Variants in LIN7C observed in about 807,000 individuals in gnomAD.
The protein encoded by LIN7C is protein lin-7 homolog C.
Under a neutral mutation model 24.7 loss-of-function variants are expected in LIN7C, and 17 were observed. The observed-to-expected ratio is 0.69, with a 90% CI of 0.47 to 1.03. The LOEUF is 1.03. Among genes scored for constraint, LIN7C ranks in the 50% least tolerant of loss-of-function variants. The pLI, the probability that LIN7C is intolerant of heterozygous loss-of-function variation, is 0.00. For missense variants in LIN7C, 204 were observed against 239.0 expected (o/e 0.85, Z 0.97); for synonymous variants, 90 against 83.4 (o/e 1.08, Z -0.43).
rs993200889 is a variant in LIN7C, at chr11:27,496,753, G to A, written c.*1896C>T. ...CTGAAACAGCTGAGACACAGAACCA[G>A]GAAGCTATAATTTATAATGAAATGT... On this transcript the variant is annotated 3_prime_UTR_variant, in exon 5 of 5. Coordinates refer to ENST00000278193, the MANE Select transcript of LIN7C (RefSeq NM_018362.4). 4.6e-5 allele frequency: 7 copies of A among 152,202 alleles called. No individual in the cohort carries two copies. The highest frequency in any genetic ancestry group is 1.7e-4 in the African/African-American group (7 of 41,528). 9.4% of individuals were successfully genotyped at this position (152,202 alleles called of 1,614,324 possible). A position where few individuals can be genotyped will look rare whatever the true frequency, so the allele number is the denominator to read the frequency against.
chr11:27,497,610 G>A lies in LIN7C; in HGVS notation c.*1039C>T, dbSNP rs574715204. On this transcript the variant is annotated 3_prime_UTR_variant, in exon 5 of 5. Coordinates refer to ENST00000278193, the MANE Select transcript of LIN7C (RefSeq NM_018362.4). ...GAATACTTCACATCATAATTTCTATGTATCTTAAATATATCCTCTTTTCTT... is the reference window on the plus strand; with the variant it reads ...GAATACTTCACATCATAATTTCTATATATCTTAAATATATCCTCTTTTCTT... The A allele has an allele frequency of 6.6e-6, 1 of 152,380 alleles. No individual in the cohort carries two copies. The highest frequency in any genetic ancestry group is 2.4e-5 in the African/African-American group (1 of 41,428). 9.4% of individuals were successfully genotyped at this position (152,380 alleles called of 1,614,324 possible). A position where few individuals can be genotyped will look rare whatever the true frequency, so the allele number is the denominator to read the frequency against.
At position 27,497,194 on chromosome 11, in the gene LIN7C, C is replaced by T. The variant is rs944136493; in HGVS notation, c.*1455G>A. 2 of 152,544 alleles carry T rather than the reference C, an allele frequency of 1.3e-5. No homozygotes were observed. Among genetic ancestry groups the T allele is most frequent in the Non-Finnish European group, 2.9e-5 (2 of 67,978 alleles). The allele number at this position is 152,544 out of a possible 1,614,324, so 9.4% of individuals were successfully genotyped here. On this transcript the variant is annotated 3_prime_UTR_variant, in exon 5 of 5. Coordinates refer to ENST00000278193, the MANE Select transcript of LIN7C (RefSeq NM_018362.4). ...AACTGGAATAATCATCTGAGACTCA[C>T]AGTGATCACAAACATGCAGAAAAAA...
rs1354042646 is a variant in LIN7C, at chr11:27,495,783, C to T, written c.*2866G>A. The T allele has an allele frequency of 6.6e-6, 1 of 151,438 alleles. No homozygotes were observed. The highest frequency in any genetic ancestry group is 1.5e-5 in the Non-Finnish European group (1 of 67,806). The allele number at this position is 151,438 out of a possible 1,614,324, so 9.4% of individuals were successfully genotyped here. A position where few individuals can be genotyped will look rare whatever the true frequency, so the allele number is the denominator to read the frequency against. On this transcript the variant is annotated 3_prime_UTR_variant, in exon 5 of 5. Transcript: ENST00000278193. The stretch of plus-strand genomic sequence containing the variant: ...AAAAAAGATAAGACTGTAATTACTT[C>T]CCAAATAAGGAATGCCAAGTACCTT...
chr11:27,506,061 T>C (rs1488766754), intron 1 of LIN7C, among the ~76,000 whole-genome samples: 1 of 152,230 alleles, frequency 6.6e-6, no homozygotes, highest in Non-Finnish European at 1.5e-5. Flanking sequence ...CCAACCAGTT[T>C]GCAATTGTAG....
Position 27,498,574 on chromosome 11 carries a change from T to C in LIN7C, c.*75A>G. On this transcript the variant is annotated 3_prime_UTR_variant, in exon 5 of 5. Transcript: ENST00000278193. The stretch of plus-strand genomic sequence containing the variant: ...GTTTGTTTTCTTACAATCATTGGCA[T>C]TGCAGCCATTAGTAAGTCACAAGGA... 4 of 1,320,634 alleles carry C rather than the reference T, an allele frequency of 3.0e-6. No individual in the cohort carries two copies. The South Asian group carries it at 3.9e-5, about 13-fold the overall frequency. The allele number at this position is 1,320,634 out of a possible 1,614,324, so 81.8% of individuals were successfully genotyped here.
At chr11:27,499,124 T>G (rs10767644) in intron 4 of LIN7C, among the ~76,000 whole-genome samples, 63,588 of 152,014 alleles carry the variant, frequency 0.42, 15,845 homozygotes, top group Non-Finnish European at 0.56. Context: ...TCTAATTTAA[T>G]GTATTGCCTT....
Position 27,494,716 on chromosome 11 carries a change from T to G in LIN7C, c.*3933A>C, listed in dbSNP as rs1865146097. On this transcript the variant is annotated 3_prime_UTR_variant, in exon 5 of 5. Coordinates refer to ENST00000278193, the MANE Select transcript of LIN7C (RefSeq NM_018362.4). Reference sequence around the variant, plus strand: ...AAAGTAGAAGCATAGCATTTGCCAGTTATTTTAAAAAACCGAGTCAATACA... The same window carrying G: ...AAAGTAGAAGCATAGCATTTGCCAGGTATTTTAAAAAACCGAGTCAATACA... The G allele has an allele frequency of 6.6e-6, 1 of 152,212 alleles. No homozygotes were observed. Among genetic ancestry groups the G allele is most frequent in the Non-Finnish European group, 1.5e-5 (1 of 68,036 alleles). The allele number at this position is 152,212 out of a possible 1,614,324, so 9.4% of individuals were successfully genotyped here. A position where few individuals can be genotyped will look rare whatever the true frequency, so the allele number is the denominator to read the frequency against.
At chr11:27,502,077 CTG>C (rs1184817034) in intron 1 of LIN7C, among the ~76,000 whole-genome samples, 157 bp from the exon 2 acceptor site, 1 of 152,026 alleles carries the variant, frequency 6.6e-6, no homozygotes, top group African/African-American at 2.4e-5. Context: ...GGGAAGGAGA[CTG>C]TGTGTGTGTA....
intron 4 of LIN7C, 96 bp downstream of exon 4, chr11:27,499,263 C>T (rs1432781399): frequency 1.0e-6 from 1 of 994,652 alleles, no homozygotes; most frequent in South Asian, 1.5e-5. Flanking sequence ...CAAGGCATTT[C>T]TAAACCACAA....
chr11:27,499,490 G>A lies in LIN7C; in HGVS notation c.307C>T (p.Leu103Phe). The A allele has an allele frequency of 6.2e-7, 1 of 1,614,128 alleles. No homozygotes were observed. The highest frequency in any genetic ancestry group is 8.5e-7 in the Non-Finnish European group (1 of 1,179,996). ...VVELPKTEEG[L>F]GFNIMGGKEQ... ...TTGCCTCCCATAATATTGAATCCAA[G>A]GCCCTCTTCTGTTTTTGGTAGCTCA... Residue 103 changes from leucine to phenylalanine, a missense_variant, in exon 4 of 5, where the codon CTT (leucine) becomes TTT (phenylalanine). Transcript: ENST00000278193.
In LIN7C at chr11:27,506,276, G is replaced by A. The variant is rs1298832015; in HGVS notation, c.37+440C>T. Among the ~76,000 whole-genome samples, 4 of 152,334 alleles carry A rather than the reference G, an allele frequency of 2.6e-5. No individual in the cohort carries two copies. The South Asian group carries it at 6.2e-4, about 24-fold the overall frequency. On this transcript the variant is annotated intron_variant, in intron 1 of 4. Transcript: ENST00000278193. Reference sequence around the variant, plus strand: ...TGTGGAGAAAGTAATGAAGGAGTTTGTGTGCAAACAGCGGGGAAAGGAGGT... The same window carrying A: ...TGTGGAGAAAGTAATGAAGGAGTTTATGTGCAAACAGCGGGGAAAGGAGGT...
At chr11:27,503,253 C>T (rs1433061310) in intron 1 of LIN7C, among the ~76,000 whole-genome samples, 1 of 152,200 alleles carries the variant, frequency 6.6e-6, no homozygotes, top group African/African-American at 2.4e-5. Flanking sequence ...TGAATTGAGA[C>T]ATTTTAGAAG....
intron 1 of LIN7C, 80 bp downstream of exon 1, chr11:27,506,636 G>A (rs1865305906): frequency 4.0e-6 from 6 of 1,506,256 alleles, no homozygotes; most frequent in Admixed American, 3.4e-5. Flanking sequence ...TCAGAGCCTG[G>A]GTCACTCCTC....
Position 27,498,556 on chromosome 11 carries a change from T to C in LIN7C, c.*93A>G. The stretch of plus-strand genomic sequence containing the variant: ...GAATTTCATGATAAATTTGTTTGTT[T>C]TCTTACAATCATTGGCATTGCAGCC... On this transcript the variant is annotated 3_prime_UTR_variant, in exon 5 of 5. Coordinates refer to ENST00000278193, the MANE Select transcript of LIN7C (RefSeq NM_018362.4). 8.5e-7 allele frequency: 1 copy of C among 1,170,556 alleles called. No homozygotes were observed. The highest frequency in any genetic ancestry group is 2.3e-5 in the Admixed American group (1 of 43,012). The allele number at this position is 1,170,556 out of a possible 1,614,324, so 72.5% of individuals were successfully genotyped here. A position where few individuals can be genotyped will look rare whatever the true frequency, so the allele number is the denominator to read the frequency against.
intron 1 of LIN7C, among the ~76,000 whole-genome samples, chr11:27,504,327 A>C (rs1327364480): frequency 6.6e-6 from 1 of 152,188 alleles, no homozygotes; most frequent in Non-Finnish European, 1.5e-5. Flanking sequence ...AAATGGAAAA[A>C]AGTAAAATGC....
chr11:27,499,251 C>A (rs1360947594), intron 4 of LIN7C, 108 bp downstream of exon 4: 5 of 831,714 alleles, frequency 6.0e-6, no homozygotes, highest in Non-Finnish European at 9.7e-6. Context: ...CTAGGATTCC[C>A]TCAAGGCATT....
chr11:27,499,962 G>A (rs763694506), intron 3 of LIN7C, among the ~76,000 whole-genome samples: 3 of 152,178 alleles, frequency 2.0e-5, no homozygotes, highest in Admixed American at 6.5e-5. Flanking sequence ...TTTTGAGCAC[G>A]TATTTTTGAC....
At chr11:27,499,305 G>GC (rs1865198508) in intron 4 of LIN7C, 54 bp downstream of exon 4, 1 of 1,434,248 alleles carries the variant, frequency 7.0e-7, no homozygotes, top group Non-Finnish European at 9.7e-7. Flanking sequence ...ACTCAAATAC[G>GC]CCCCCAGGTG....
intron 1 of LIN7C, among the ~76,000 whole-genome samples, 178 bp from the exon 2 acceptor site, chr11:27,502,098 G>C (rs1179206809): frequency 6.6e-6 from 1 of 152,208 alleles, no homozygotes; most frequent in African/African-American, 2.4e-5. Flanking sequence ...TACACACATG[G>C]AGGGTGAGAA....
Sources: gnomAD v4.1 joint callset for allele counts (sites outside exome capture counted in the v4.1 genomes callset) on GRCh38, gnomAD v4.1.1 for gene constraint, MANE v1.5 for transcripts, NCBI Gene and HGNC (gene_info 2026-07-23, HGNC 2026-07-21) for gene names.